The following PTPN21 variants were observed in gnomAD, a reference collection of about 807,000 sequenced individuals.
The protein encoded by PTPN21 is protein tyrosine phosphatase non-receptor type 21.
A neutral mutation model predicts 131.8 loss-of-function variants in PTPN21; 77 were observed. The ratio of observed to expected loss-of-function variants is 0.58; its 90% confidence interval spans 0.49 to 0.71. The LOEUF is 0.71. Among genes scored for constraint, PTPN21 ranks in the 30% least tolerant of loss-of-function variants. The pLI, the probability that PTPN21 is intolerant of heterozygous loss-of-function variation, is 0.00. For synonymous variants in PTPN21, 715 were observed against 621.3 expected (o/e 1.15, Z -2.24); for missense variants, 1,552 against 1,527.1 (o/e 1.02, Z -0.27).
In PTPN21 at chr14:88,505,723, T is replaced by C. The variant is rs114136990; in HGVS notation, c.449-352A>G. 9.2e-3 allele frequency among the ~76,000 whole-genome samples: 1,408 copies of C among 152,346 alleles called. 22 individuals are homozygous for C. Among genetic ancestry groups the C allele is most frequent in the African/African-American group, 0.032 (1,345 of 41,578 alleles). On this transcript the variant is annotated intron_variant, in intron 4 of 18. Coordinates refer to ENST00000556564, the MANE Select transcript of PTPN21 (RefSeq NM_007039.4). ...GGAGAAACCAAATTGTCAACAGTAC[T>C]GATGACCTCTGGGGAATAGACTTAG...
At chr14:88,491,770 T>C (rs962956798) in intron 10 of PTPN21, among the ~76,000 whole-genome samples, 2 of 152,166 alleles carry the variant, frequency 1.3e-5, no homozygotes, top group Non-Finnish European at 1.5e-5. Flanking sequence ...CCACAATCTA[T>C]TGGATATATA....
chr14:88,543,660 G>C (rs2078736530), intron 2 of PTPN21, among the ~76,000 whole-genome samples: 1 of 152,084 alleles, frequency 6.6e-6, no homozygotes, highest in Non-Finnish European at 1.5e-5. Flanking sequence ...ACAGTCTATG[G>C]AACAAAAACT....
In PTPN21 at chr14:88,553,988, C is replaced by T. The variant is rs2078895610; in HGVS notation, c.-203+663G>A. On this transcript the variant is annotated intron_variant, in intron 1 of 18. Transcript: ENST00000556564. ...AGAATAAAATGCCCTAGAAACGAAA[C>T]GGACTATATTCAGAGTAAAATTACT... is the stretch of plus-strand genomic sequence containing the variant. 2.0e-5 allele frequency among the ~76,000 whole-genome samples: 3 copies of T among 152,134 alleles called. No individual in the cohort carries two copies. The South Asian group carries it at 6.2e-4, about 32-fold the overall frequency.
At chr14:88,552,555 T>C (rs1316038097) in intron 1 of PTPN21, 2 of 152,062 alleles carry the variant, frequency 1.3e-5, no homozygotes, top group African/African-American at 4.8e-5. Flanking sequence ...TTATTTCCCA[T>C]AGCCAGGAAA....
chr14:88,550,937 A>T (rs2078857395), intron 1 of PTPN21, among the ~76,000 whole-genome samples: 1 of 152,196 alleles, frequency 6.6e-6, no homozygotes, highest in African/African-American at 2.4e-5. Context: ...TATTTTGGAT[A>T]AGGTGTTGTT....
intron 10 of PTPN21, among the ~76,000 whole-genome samples, chr14:88,491,239 T>C (rs1432176822): frequency 6.6e-6 from 1 of 152,234 alleles, no homozygotes; most frequent in Non-Finnish European, 1.5e-5. Flanking sequence ...GATTATGCCA[T>C]TGTATAAATA....
chr14:88,497,056 CTA>C, intron 9 of PTPN21, 145 bp downstream of exon 9: 1 of 751,176 alleles, frequency 1.3e-6, no homozygotes, highest in Non-Finnish European at 2.2e-6. Flanking sequence ...TTGCAAAATG[CTA>C]TATGATAAAA....
intron 2 of PTPN21, among the ~76,000 whole-genome samples, chr14:88,527,908 G>A (rs1012062540): frequency 2.6e-5 from 4 of 152,074 alleles, no homozygotes; most frequent in Non-Finnish European, 5.9e-5. Flanking sequence ...TGCTGAATAC[G>A]GTGTCCTTTC....
intron 3 of PTPN21, among the ~76,000 whole-genome samples, chr14:88,509,917 T>C (rs537050858): frequency 6.6e-6 from 1 of 152,256 alleles, no homozygotes; most frequent in Admixed American, 6.5e-5. Flanking sequence ...ATGCCTGTAG[T>C]CCCAGCTACT....
intron 14 of PTPN21, 21 bp downstream of exon 14, chr14:88,473,644 C>G: frequency 6.3e-7 from 1 of 1,599,382 alleles, no homozygotes. Flanking sequence ...AGGCACAAAG[C>G]CCTGTGTGTC....
chr14:88,472,358 A>G lies in PTPN21; in HGVS notation c.2757T>C (p.Pro919=), dbSNP rs140514549. ...VDGECSTARL[P]ENAERNRFQD... Reference sequence around the variant, plus strand: ...GGAATCGATTTCTTTCTGCATTTTCAGGGAGTCGTGCTGTTGAGCACTCCC... The same window carrying G: ...GGAATCGATTTCTTTCTGCATTTTCGGGGAGTCGTGCTGTTGAGCACTCCC... Residue 919 remains proline (P), a synonymous_variant, in exon 15 of 19, where the codon CCT becomes CCC. Coordinates refer to ENST00000556564, the MANE Select transcript of PTPN21 (RefSeq NM_007039.4). 105 of 1,613,866 alleles carry G rather than the reference A, an allele frequency of 6.5e-5. No individual in the cohort carries two copies. In the African/African-American group the frequency reaches 1.2e-3, roughly 19 times the overall value.
At chr14:88,511,600 C>T (rs564556662) in intron 3 of PTPN21, among the ~76,000 whole-genome samples, 9 of 152,206 alleles carry the variant, frequency 5.9e-5, no homozygotes, top group Admixed American at 2.6e-4. Flanking sequence ...ACCCAGGAGT[C>T]GGATGTTGCA....
intron 8 of PTPN21, among the ~76,000 whole-genome samples, chr14:88,497,526 T>G (rs193016688): frequency 6.6e-6 from 1 of 151,838 alleles, no homozygotes; most frequent in African/African-American, 2.4e-5. Flanking sequence ...TCTCAGCACT[T>G]TGGGAGGCCA....
At chr14:88,530,508 T>C (rs1383450264) in intron 2 of PTPN21, among the ~76,000 whole-genome samples, 1 of 134,328 alleles carries the variant, frequency 7.4e-6, no homozygotes, top group Non-Finnish European at 1.8e-5. Context: ...TGGATAAAAA[T>C]CCACCAACCA....
At chr14:88,545,739 G>A (rs1056079425) in intron 2 of PTPN21, among the ~76,000 whole-genome samples, 1 of 152,120 alleles carries the variant, frequency 6.6e-6, no homozygotes, top group Non-Finnish European at 1.5e-5. Context: ...GAGGCAGACG[G>A]ATCATGAGGT....
intron 13 of PTPN21, among the ~76,000 whole-genome samples, chr14:88,474,679 G>C (rs1595343940): frequency 1.3e-5 from 2 of 152,190 alleles, no homozygotes; most frequent in African/African-American, 2.4e-5. Flanking sequence ...AAATAAAACA[G>C]GGCTAAAATC....
At position 88,480,106 on chromosome 14, in the gene PTPN21, G is replaced by T; in HGVS notation, c.1325C>A (p.Pro442His). ...LPSHRHSAVI[P>H]PSYRPTPDYE... ...GTCTGGGGTGGGGCGGTAGGACGGG[G>T]GTATCACGGCGCTGTGCCGATGGGA... The change falls in exon 13 of 19, where the codon CCC becomes CAC. Residue 442 changes from proline to histidine, a missense_variant. Physicochemically the swap from Pro to His is moderately conservative, Grantham distance 77. Coordinates refer to ENST00000556564, the MANE Select transcript of PTPN21 (RefSeq NM_007039.4). The T allele has an allele frequency of 6.2e-7, 1 of 1,614,186 alleles. No homozygotes were observed. Among genetic ancestry groups the T allele is most frequent in the Non-Finnish European group, 8.5e-7 (1 of 1,180,032 alleles).
intron 13 of PTPN21, among the ~76,000 whole-genome samples, chr14:88,474,737 AATCTTGT>A (rs915382316): frequency 7.2e-5 from 11 of 152,138 alleles, no homozygotes; most frequent in African/African-American, 2.7e-4. Context: ...GCATCAACAA[AATCTTGT>A]CTCCTGAAAT....
At chr14:88,474,144 AAAAAAAAAAAAC>A (rs1324721095) in intron 13 of PTPN21, among the ~76,000 whole-genome samples, 4,212 of 144,376 alleles carry the variant, frequency 0.029, 221 homozygotes, top group African/African-American at 0.11. Context: ...AAAAAAAAAA[AAAAAAAAAAAAC>A]AAAAGCTTTA....
Sources: allele counts gnomAD v4.1 joint callset (sites outside exome capture counted in the v4.1 genomes callset), GRCh38; gene constraint gnomAD v4.1.1; transcripts MANE v1.5; gene names NCBI Gene and HGNC (gene_info 2026-07-23, HGNC 2026-07-21).